MYO16: variants seen among roughly 807,000 people sequenced by gnomAD.
The protein encoded by MYO16 is unconventional myosin-XVI.
Under a neutral mutation model 205.3 loss-of-function variants are expected in MYO16, and 94 were observed. The observed-to-expected ratio is 0.46, with a 90% confidence interval of 0.39 to 0.54. The LOEUF (loss-of-function observed/expected upper bound fraction) is 0.54, where lower values mean the gene tolerates loss of function less well. Ranked by LOEUF, MYO16 falls within the 20% of genes least tolerant of loss-of-function variation. The pLI is 0.00. For synonymous variants in MYO16, 988 were observed against 954.0 expected (o/e 1.04, Z -0.66); for missense variants, 2,315 against 2,387.5 (o/e 0.97, Z 0.63).
rs557846534 is a variant in MYO16, at chr13:108,867,200, A to G, written c.1425+958A>G. ...TCTCTGCAAAAAACAAAACAAAACA[A>G]AACAAAACAAAAACAATTAGCCAGC... On this transcript the variant is annotated intron_variant, in intron 12 of 34. Coordinates refer to ENST00000457511, the MANE Select transcript of MYO16 (RefSeq NM_001198950.3). Among the ~76,000 whole-genome samples the G allele has an allele frequency of 1.8e-4, 28 of 151,774 alleles. No individual in the cohort carries two copies. The South Asian group carries it at 5.0e-3, about 27-fold the overall frequency.
At position 109,140,923 on chromosome 13, in the gene MYO16, G is replaced by A. The variant is rs1877042752; in HGVS notation, c.4711G>A (p.Asp1571Asn). 3 of 1,568,376 alleles carry A rather than the reference G, an allele frequency of 1.9e-6. No individual in the cohort carries two copies. The highest frequency in any genetic ancestry group is 2.6e-6 in the Non-Finnish European group (3 of 1,160,030). Residue 1571 changes from aspartate to asparagine, a missense_variant, in exon 32 of 35, where the codon GAC becomes AAC. By Grantham distance (23) the Asp-to-Asn change is conservative. Around this residue, in one of 3 missense-constraint regions of MYO16, gnomAD observed 1,097 missense variants for 1,092.0 expected, o/e 1.00. Transcript: ENST00000457511. This position sits in a 1 kb window ranked among gnomAD's most constrained non-coding sequence, Gnocchi z 8.0. The part of the protein sequence containing the change: ...SPQYSKSQKG[D>N]GDRPASPGLA... ...GCAGTACTCCAAGAGCCAGAAGGGC[G>A]ACGGCGACAGGCCCGCGTCCCCCGG...
chr13:108,865,080 T>C (rs1292483761), intron 11 of MYO16, among the ~76,000 whole-genome samples: 1 of 152,164 alleles, frequency 6.6e-6, no homozygotes, highest in Non-Finnish European at 1.5e-5. Flanking sequence ...GAAGACAATA[T>C]TCTATCCTAA....
At chr13:108,599,466 CT>C (rs1474661551) in intron 1 of MYO16, among the ~76,000 whole-genome samples, 1 of 152,050 alleles carries the variant, frequency 6.6e-6, no homozygotes, top group Non-Finnish European at 1.5e-5. Context: ...TTGTGGTATT[CT>C]TTTTCATAAA....
At chr13:108,647,674 G>A (rs538245342) in intron 1 of MYO16, among the ~76,000 whole-genome samples, 1 of 152,018 alleles carries the variant, frequency 6.6e-6, no homozygotes, top group East Asian at 1.9e-4. Flanking sequence ...GAATCTCTAA[G>A]TACTAAATTC....
intron 4 of MYO16, among the ~76,000 whole-genome samples, chr13:108,754,149 A>G (rs1159201640): frequency 6.6e-6 from 1 of 152,204 alleles, no homozygotes; most frequent in Non-Finnish European, 1.5e-5. Flanking sequence ...AAGCTGTAGC[A>G]TGCAGGACAA....
At chr13:108,854,731 A>G (rs1364246214) in intron 10 of MYO16, among the ~76,000 whole-genome samples, 1 of 152,218 alleles carries the variant, frequency 6.6e-6, no homozygotes, top group Non-Finnish European at 1.5e-5. Flanking sequence ...GGGTATATAA[A>G]ATTAAAATTG....
the MYO16 span, among the ~76,000 whole-genome samples, chr13:108,584,218 G>A: frequency 6.6e-6 from 1 of 152,162 alleles, no homozygotes; most frequent in Non-Finnish European, 1.5e-5. Flanking sequence ...CTCCCAAAAT[G>A]CTGGATTACA....
intron 4 of MYO16, among the ~76,000 whole-genome samples, chr13:108,773,137 C>T (rs1886022053): frequency 6.6e-6 from 1 of 152,072 alleles, no homozygotes; most frequent in African/African-American, 2.4e-5. Context: ...AGGCACCAAT[C>T]CCAATCCTGA....
At chr13:108,855,336 A>G in intron 10 of MYO16, 107 bp from the exon 11 acceptor site, 1 of 533,764 alleles carries the variant, frequency 1.9e-6, no homozygotes, top group Non-Finnish European at 3.2e-6. Context: ...TTCCTAACTC[A>G]GGTTGTCTTC....
intron 2 of MYO16, among the ~76,000 whole-genome samples, chr13:108,696,773 C>T (rs1373927947): frequency 2.6e-5 from 4 of 152,102 alleles, no homozygotes; most frequent in African/African-American, 4.8e-5. Context: ...GACTACTTTT[C>T]GACTACATGG....
chr13:108,930,157 G>A (rs1026418441), intron 16 of MYO16, among the ~76,000 whole-genome samples: 76 of 152,150 alleles, frequency 5.0e-4, no homozygotes, highest in African/African-American at 1.7e-3. Flanking sequence ...CCAAATAAGG[G>A]GATAATTGTG....
At chr13:108,952,815 C>T (rs1282170692) in intron 16 of MYO16, among the ~76,000 whole-genome samples, 1 of 152,124 alleles carries the variant, frequency 6.6e-6, no homozygotes, top group East Asian at 1.9e-4. Context: ...TAGGCTTAAG[C>T]TATAGATATG....
intron 16 of MYO16, among the ~76,000 whole-genome samples, chr13:108,955,318 G>T (rs1040893804): frequency 2.0e-5 from 3 of 152,036 alleles, no homozygotes; most frequent in Non-Finnish European, 2.9e-5. Flanking sequence ...CTTTTATGTG[G>T]TTTTTTGGTG....
the MYO16 span, among the ~76,000 whole-genome samples, chr13:108,553,546 T>C: frequency 1.1e-4 from 16 of 152,232 alleles, no homozygotes; most frequent in Non-Finnish European, 1.5e-5. Context: ...ATGTTTACCA[T>C]TTCATTCTCT....
At chr13:108,719,721 A>G (rs1166054143) in intron 3 of MYO16, among the ~76,000 whole-genome samples, 1 of 152,200 alleles carries the variant, frequency 6.6e-6, no homozygotes, top group Non-Finnish European at 1.5e-5. Context: ...CCCGTATTCA[A>G]TTATCCAATT....
intron 28 of MYO16, among the ~76,000 whole-genome samples, chr13:109,109,250 G>A (rs1476560844): frequency 1.3e-5 from 2 of 152,114 alleles, no homozygotes; most frequent in Non-Finnish European, 2.9e-5. Flanking sequence ...CGTATTATAT[G>A]CCAGAAGCCT....
At chr13:108,547,805 G>C in the MYO16 span, among the ~76,000 whole-genome samples, 1 of 152,162 alleles carries the variant, frequency 6.6e-6, no homozygotes, top group Admixed American at 6.5e-5. Flanking sequence ...TGTAAATAAA[G>C]AAAATCTTCA....
the MYO16 span, among the ~76,000 whole-genome samples, chr13:108,572,704 T>A: frequency 1.3e-5 from 2 of 152,214 alleles, no homozygotes; most frequent in Non-Finnish European, 2.9e-5. Flanking sequence ...ACTCTTCTGA[T>A]TATATTCCTC....
At chr13:108,540,966 T>C in the MYO16 span, among the ~76,000 whole-genome samples, 1 of 152,142 alleles carries the variant, frequency 6.6e-6, no homozygotes, top group Non-Finnish European at 1.5e-5. Context: ...AGAATGCACA[T>C]GCGAAGTGTT....
Sources: allele counts gnomAD v4.1 joint callset (sites outside exome capture counted in the v4.1 genomes callset), GRCh38; gene constraint gnomAD v4.1.1; regional missense constraint gnomAD v4.1.1; non-coding constraint Gnocchi (gnomAD v3.1); transcripts MANE v1.5; gene names NCBI Gene and HGNC (gene_info 2026-07-23, HGNC 2026-07-21).